MAF: variants seen among roughly 807,000 people sequenced by gnomAD.
MAF encodes transcription factor Maf.
A neutral mutation model predicts 22.0 loss-of-function variants in MAF; 10 were observed. The observed-to-expected ratio is 0.45, with a 90% CI of 0.28 to 0.77. The LOEUF (loss-of-function observed/expected upper bound fraction) is 0.77, where lower values mean the gene tolerates loss of function less well. Among genes scored for constraint, MAF ranks in the 30% least tolerant of loss-of-function variants. MAF has a pLI of 0.12. For missense variants in MAF, 544 were observed against 548.4 expected, an observed-to-expected ratio of 0.99 and a Z score of 0.08; for synonymous variants, 337 against 255.8, an observed-to-expected ratio of 1.32 and a Z score of -3.03.
chr16:79,360,517 T>C, the MAF span, among the ~76,000 whole-genome samples: 1 of 152,306 alleles, frequency 6.6e-6, no homozygotes, highest in South Asian at 2.1e-4. Context: ...ACACTACCTG[T>C]TAGGATTGTT....
the MAF span, among the ~76,000 whole-genome samples, chr16:79,279,706 G>A: frequency 2.0e-5 from 3 of 152,158 alleles, no homozygotes; most frequent in South Asian, 2.1e-4. Flanking sequence ...GTTGCCTCGC[G>A]CAGGGGTTCT....
the MAF span, among the ~76,000 whole-genome samples, chr16:79,557,030 C>A: frequency 6.6e-6 from 1 of 150,628 alleles, no homozygotes; most frequent in African/African-American, 2.5e-5. Flanking sequence ...GTTGCCCAGG[C>A]TACACTTAAA....
the MAF span, among the ~76,000 whole-genome samples, chr16:79,549,561 T>A: frequency 6.6e-6 from 1 of 152,212 alleles, no homozygotes; most frequent in Non-Finnish European, 1.5e-5. Flanking sequence ...GCCCTTGGCA[T>A]GGCCAGTGAA....
the MAF span, among the ~76,000 whole-genome samples, chr16:79,303,031 T>A: frequency 1.3e-5 from 2 of 152,178 alleles, no homozygotes; most frequent in Admixed American, 1.3e-4. Context: ...CACCCAAACA[T>A]GCTTTTATCT....
the MAF span, among the ~76,000 whole-genome samples, chr16:79,493,560 T>A: frequency 4.6e-5 from 7 of 152,200 alleles, no homozygotes; most frequent in African/African-American, 1.7e-4. Flanking sequence ...GTGATTCTCC[T>A]GCCTTGGTCT....
the MAF span, among the ~76,000 whole-genome samples, chr16:79,472,798 G>A: frequency 6.6e-6 from 1 of 151,914 alleles, no homozygotes; most frequent in African/African-American, 2.4e-5. Context: ...CGTCAATAAT[G>A]TTAGAAAAGA....
At chr16:79,329,790 T>C in the MAF span, among the ~76,000 whole-genome samples, 1 of 152,204 alleles carries the variant, frequency 6.6e-6, no homozygotes. Context: ...CAGTATGCCT[T>C]CTACTTAAAT....
the MAF span, among the ~76,000 whole-genome samples, chr16:79,447,693 G>T: frequency 2.0e-5 from 3 of 152,132 alleles, no homozygotes; most frequent in East Asian, 5.8e-4. Flanking sequence ...GTAAGAAGTT[G>T]ATTCTAATTC....
At chr16:79,540,727 G>A in the MAF span, among the ~76,000 whole-genome samples, 3 of 152,118 alleles carry the variant, frequency 2.0e-5, no homozygotes, top group Non-Finnish European at 2.9e-5. Flanking sequence ...GGCACAGGCT[G>A]GAAATAAACA....
chr16:79,390,670 T>C, the MAF span, among the ~76,000 whole-genome samples: 1 of 152,168 alleles, frequency 6.6e-6, no homozygotes, highest in Admixed American at 6.5e-5. Context: ...ATTCTTGCCA[T>C]GGAGCTGCCA....
chr16:79,210,829 C>T, the MAF span, among the ~76,000 whole-genome samples: 1 of 152,148 alleles, frequency 6.6e-6, no homozygotes, highest in Admixed American at 6.5e-5. Context: ...GCCACAGCCG[C>T]AACTGTTACT....
the MAF span, among the ~76,000 whole-genome samples, chr16:79,576,626 A>C: frequency 6.6e-6 from 1 of 152,180 alleles, no homozygotes; most frequent in Non-Finnish European, 1.5e-5. Flanking sequence ...TGAAAAACTT[A>C]AAGTGTAGGA....
chr16:79,311,513 A>C, the MAF span, among the ~76,000 whole-genome samples: 2 of 151,580 alleles, frequency 1.3e-5, no homozygotes, highest in Admixed American at 6.6e-5. Flanking sequence ...AAAAAAAAAA[A>C]AACATTATGT....
chr16:79,584,055 T>A (rs1054922275), downstream of MAF, among the ~76,000 whole-genome samples: 2 of 152,206 alleles, frequency 1.3e-5, no homozygotes, highest in African/African-American at 2.4e-5. Flanking sequence ...CCACTTGGGA[T>A]GAATATTTTG....
the MAF span, among the ~76,000 whole-genome samples, chr16:79,502,844 T>C: frequency 6.7e-6 from 1 of 148,182 alleles, no homozygotes; most frequent in African/African-American, 2.5e-5. Context: ...TGTAGGGTGA[T>C]GGAAATATTC....
chr16:79,562,594 C>T, the MAF span, among the ~76,000 whole-genome samples: 1 of 152,186 alleles, frequency 6.6e-6, no homozygotes, highest in Non-Finnish European at 1.5e-5. Context: ...CAGCCTTGTC[C>T]CTGAACACAG....
the MAF span, among the ~76,000 whole-genome samples, chr16:79,230,033 C>G: frequency 6.6e-6 from 1 of 152,010 alleles, no homozygotes; most frequent in African/African-American, 2.4e-5. Flanking sequence ...TACACTGAAT[C>G]CTTCATTCTT....
chr16:79,364,656 T>C, the MAF span, among the ~76,000 whole-genome samples: 1 of 152,178 alleles, frequency 6.6e-6, no homozygotes, highest in African/African-American at 2.4e-5. Flanking sequence ...TGGTGTCAGT[T>C]TCCAGAATCC....
the MAF span, among the ~76,000 whole-genome samples, chr16:79,407,475 C>G: frequency 3.9e-5 from 6 of 152,134 alleles, no homozygotes; most frequent in African/African-American, 1.4e-4. Flanking sequence ...CCCTCTTTCC[C>G]TCTCTCCCTC....
Sources: allele counts gnomAD v4.1 joint callset (sites outside exome capture counted in the v4.1 genomes callset), GRCh38; gene constraint gnomAD v4.1.1; transcripts MANE v1.5; gene names NCBI Gene and HGNC (gene_info 2026-07-23, HGNC 2026-07-21).